Variants in CYFIP1 observed in about 807,000 individuals in gnomAD.
The protein encoded by CYFIP1 is cytoplasmic FMR1 interacting protein 1, also known as cytoplasmic FMR1-interacting protein 1.
CYFIP1 carries 58 observed loss-of-function variants against 163.5 expected under a neutral mutation model. That is an observed-to-expected ratio of 0.35 (90% CI 0.29 to 0.44). The LOEUF (loss-of-function observed/expected upper bound fraction) is 0.44, where lower values mean the gene tolerates loss of function less well. CYFIP1 is among the 20% of genes least tolerant of loss of function. The probability of loss-of-function intolerance (pLI) is 1.00; values close to 1 mark genes in which losing one functional copy is unlikely to be tolerated. For missense variants in CYFIP1, 1,338 were observed against 1,653.8 expected (o/e 0.81, Z 3.31); for synonymous variants, 663 against 660.7 (o/e 1.00, Z -0.05).
chr15:22,881,849 G>A lies in CYFIP1; in HGVS notation c.2908C>T (p.Pro970Ser). 1.2e-6 allele frequency: 2 copies of A among 1,610,512 alleles called. No homozygotes were observed. Among genetic ancestry groups the A allele is most frequent in the Non-Finnish European group, 8.5e-7 (1 of 1,179,906 alleles). The change falls in exon 25 of 31, where the codon CCT becomes TCT. Residue 970 changes from proline to serine, a missense_variant. Physicochemically the swap from Pro to Ser is moderately conservative, Grantham distance 74. Around this residue, in one of 4 missense-constraint regions of CYFIP1, gnomAD observed 824 missense variants for 995.7 expected, o/e 0.83. Coordinates refer to ENST00000617928, the MANE Select transcript of CYFIP1 (RefSeq NM_014608.6). The stretch of plus-strand genomic sequence containing the variant: ...AGCTCCACACGCCCGCACTCACCAG[G>A]AGAGCCGTACTCGTGCCGGGGCAGG... Reference protein sequence around the residue: ...CRLPRHEYGSPGILEFFHHQL... With the variant: ...CRLPRHEYGSSGILEFFHHQL...
At chr15:22,918,058 C>A in intron 14 of CYFIP1, 123 bp from the exon 15 acceptor site, 1 of 1,115,524 alleles carries the variant, frequency 9.0e-7, no homozygotes. Flanking sequence ...ACAAATTACT[C>A]TGGGGGCCAT....
chr15:22,948,977 G>C (rs2062154085), intron 1 of CYFIP1, among the ~76,000 whole-genome samples: 1 of 151,666 alleles, frequency 6.6e-6, no homozygotes, highest in Non-Finnish European at 1.5e-5. Context: ...AAGGAAAAGG[G>C]GAAACCAAGC....
chr15:22,942,287 G>A (rs982560592), intron 6 of CYFIP1, among the ~76,000 whole-genome samples: 2 of 152,188 alleles, frequency 1.3e-5, no homozygotes, highest in African/African-American at 2.4e-5. Flanking sequence ...ATATTCAGAT[G>A]CAAAGTAAGG....
In CYFIP1 at chr15:22,916,500, T is replaced by A. The variant is rs1197105102; in HGVS notation, c.1805A>T (p.Tyr602Phe). 1.9e-6 allele frequency: 3 copies of A among 1,612,792 alleles called. No homozygotes were observed. In the African/African-American group the frequency reaches 4.0e-5, roughly 22 times the overall value. The change falls in exon 16 of 31, where the codon TAC (tyrosine) becomes TTC (phenylalanine). Residue 602 changes from tyrosine to phenylalanine, a missense_variant. This residue lies in a region of CYFIP1 where 824 missense variants were observed against 995.7 expected (regional missense o/e 0.83). Transcript: ENST00000617928. ...ACCACTGAAATTTATCAAGTGAGTG[T>A]AGAAGAATGACTCTCGATGAAATTT... is the stretch of plus-strand genomic sequence containing the variant. The part of the protein sequence containing the change: ...IEKFHRESFF[Y>F]THLINFSETL...
chr15:22,924,880 C>T (rs571405384), intron 13 of CYFIP1, among the ~76,000 whole-genome samples: 80 of 152,086 alleles, frequency 5.3e-4, no homozygotes, highest in African/African-American at 1.8e-3. Flanking sequence ...GAGACGAACC[C>T]GGGCAACTTG....
At chr15:22,963,859 A>G (rs1441005661) in intron 1 of CYFIP1, among the ~76,000 whole-genome samples, 2 of 152,150 alleles carry the variant, frequency 1.3e-5, no homozygotes, top group African/African-American at 4.8e-5. Flanking sequence ...CCATGCCTTC[A>G]TGAGGACGGC....
At chr15:22,908,535 T>C (rs2060664597) in intron 21 of CYFIP1, among the ~76,000 whole-genome samples, 1 of 135,738 alleles carries the variant, frequency 7.4e-6, no homozygotes, top group Admixed American at 7.4e-5. Context: ...TTTTTTTTTT[T>C]TTTTTTTTTT....
chr15:22,895,075 C>A (rs192169339), intron 22 of CYFIP1, among the ~76,000 whole-genome samples: 3 of 150,220 alleles, frequency 2.0e-5, no homozygotes, highest in South Asian at 4.2e-4. Flanking sequence ...AGTGCAGTGG[C>A]GTGATCTTGG....
intron 11 of CYFIP1, among the ~76,000 whole-genome samples, chr15:22,931,049 A>ACTACT (rs2061520380): frequency 6.6e-6 from 1 of 152,096 alleles, no homozygotes; most frequent in Non-Finnish European, 1.5e-5. Context: ...ACATACCTGG[A>ACTACT]CTACTGGGTT....
chr15:22,873,184 C>CT (rs2059485297), intron 29 of CYFIP1, among the ~76,000 whole-genome samples: 1 of 152,088 alleles, frequency 6.6e-6, no homozygotes, highest in Non-Finnish European at 1.5e-5. Context: ...TGGTGTGCTG[C>CT]TTCCTGTCCC....
At chr15:22,941,517 G>A (rs1010553100) in intron 6 of CYFIP1, among the ~76,000 whole-genome samples, 2 of 152,014 alleles carry the variant, frequency 1.3e-5, no homozygotes, top group Non-Finnish European at 2.9e-5. Context: ...TAGTAGCCAC[G>A]AGCAGGTGCC....
chr15:22,937,941 A>C (rs72696070), intron 8 of CYFIP1, among the ~76,000 whole-genome samples: 2 of 151,968 alleles, frequency 1.3e-5, no homozygotes, highest in African/African-American at 2.4e-5. Flanking sequence ...AGCCACCTGC[A>C]TGCTCCAGTG....
In CYFIP1 at chr15:22,926,119, GA is replaced by G; in HGVS notation, c.1234-13del. On this transcript the variant is annotated splice_polypyrimidine_tract_variant and intron_variant, in intron 12 of 30. Transcript: ENST00000617928. ...AGCTTCCAGGAATACTGTGGTGGCC[GA>G]AAGAGCAGAGGTGTTCCATATTGCA... is the stretch of plus-strand genomic sequence containing the variant. 1 of 1,614,040 alleles carries G rather than the reference GA, an allele frequency of 6.2e-7. No individual in the cohort carries two copies. Among genetic ancestry groups the G allele is most frequent in the Non-Finnish European group, 8.5e-7 (1 of 1,179,964 alleles).
chr15:22,947,593 G>A (rs1042804044), intron 1 of CYFIP1, among the ~76,000 whole-genome samples: 5 of 152,034 alleles, frequency 3.3e-5, no homozygotes, highest in East Asian at 3.9e-4. Flanking sequence ...CATGGGGGCC[G>A]CCGTCCTGAG....
chr15:22,937,433 G>T (rs17137217), intron 8 of CYFIP1, among the ~76,000 whole-genome samples: 2 of 152,020 alleles, frequency 1.3e-5, no homozygotes, highest in Admixed American at 1.3e-4. Context: ...CGCTAAAAGC[G>T]GAAAAAACAA....
intron 1 of CYFIP1, among the ~76,000 whole-genome samples, chr15:22,951,096 T>C (rs2062234543): frequency 6.6e-6 from 1 of 152,000 alleles, no homozygotes; most frequent in South Asian, 2.1e-4. Flanking sequence ...TTGGGCCGGT[T>C]CCACAGATAC....
At chr15:22,891,400 G>A (rs1443683839) in intron 23 of CYFIP1, among the ~76,000 whole-genome samples, 2 of 152,156 alleles carry the variant, frequency 1.3e-5, no homozygotes, top group African/African-American at 4.8e-5. Flanking sequence ...CCTCCAGCCT[G>A]GGCGACAAAG....
At chr15:22,942,251 G>C (rs1298599844) in intron 6 of CYFIP1, among the ~76,000 whole-genome samples, 1 of 152,348 alleles carries the variant, frequency 6.6e-6, no homozygotes, top group South Asian at 2.1e-4. Context: ...ACAGTTGTAT[G>C]ATTTAAAATG....
At chr15:22,903,607 G>T in intron 22 of CYFIP1, 99 bp downstream of exon 22, 2 of 1,263,346 alleles carry the variant, frequency 1.6e-6, no homozygotes, top group Admixed American at 1.8e-5. Context: ...GGAGCAGCAA[G>T]AGCAGGGAGA....
Sources: gnomAD v4.1 joint callset for allele counts (sites outside exome capture counted in the v4.1 genomes callset) on GRCh38, gnomAD v4.1.1 for gene constraint, gnomAD v4.1.1 regional missense constraint, MANE v1.5 for transcripts, NCBI Gene and HGNC (gene_info 2026-07-23, HGNC 2026-07-21) for gene names.